ESR1: variants seen among roughly 807,000 people sequenced by gnomAD.
The protein encoded by ESR1 is estrogen receptor.
Under a neutral mutation model 52.7 loss-of-function variants are expected in ESR1, and 12 were observed. That is an observed-to-expected ratio of 0.23 (90% CI 0.15 to 0.37). ESR1 has a LOEUF of 0.37. ESR1 is among the 10% of genes least tolerant of loss of function. The pLI is 1.00. For missense variants in ESR1, 584 were observed against 779.7 expected (o/e 0.75, Z 2.99); for synonymous variants, 305 against 316.8 (o/e 0.96, Z 0.39).
intron 3 of ESR1, among the ~76,000 whole-genome samples, chr6:151,907,475 A>T (rs955705301): frequency 6.6e-6 from 1 of 152,060 alleles, no homozygotes; most frequent in Admixed American, 6.5e-5. Flanking sequence ...ATCTTTTTAA[A>T]AATTATATTA....
At chr6:151,839,615 G>A (rs1016487584) in intron 1 of ESR1, among the ~76,000 whole-genome samples, 1 of 152,154 alleles carries the variant, frequency 6.6e-6, no homozygotes, top group African/African-American at 2.4e-5. Context: ...GGATGAATGG[G>A]TAAACAAAGT....
At chr6:152,127,016 G>A (rs1246114102) in exon 7 of ESR1, 6 of 152,182 alleles carry the variant, frequency 3.9e-5, no homozygotes, top group Non-Finnish European at 8.8e-5. Flanking sequence ...CTGCCCTTAT[G>A]TGTCTTGTCT....
At chr6:152,026,150 A>G (rs2044129844) in intron 5 of ESR1, among the ~76,000 whole-genome samples, 1 of 152,082 alleles carries the variant, frequency 6.6e-6, no homozygotes, top group Admixed American at 6.5e-5. Flanking sequence ...TGTTCCATGT[A>G]TACTTGAAAT....
chr6:151,853,203 A>AAAAAAAAAAAAAAAAAG (rs1562478896), intron 2 of ESR1, among the ~76,000 whole-genome samples: 1 of 149,148 alleles, frequency 6.7e-6, no homozygotes, highest in African/African-American at 2.5e-5. Context: ...AAAAAAGAGA[A>AAAAAAAAAAAAAAAAAG]AGAAAGAAAG....
chr6:151,774,766 A>G (rs146812887), intron 2 of ESR1, among the ~76,000 whole-genome samples: 17 of 152,352 alleles, frequency 1.1e-4, no homozygotes, highest in African/African-American at 3.8e-4. Flanking sequence ...TATCAACAGA[A>G]TTAGCTGATT....
intron 2 of ESR1, among the ~76,000 whole-genome samples, chr6:151,747,371 C>T (rs1184073283): frequency 6.6e-6 from 1 of 152,082 alleles, no homozygotes; most frequent in East Asian, 1.9e-4. Context: ...TCTTTTACTA[C>T]AGAAATATTT....
chr6:151,801,051 G>GGTTGTGT (rs1554258204), upstream of ESR1, among the ~76,000 whole-genome samples: 1 of 147,612 alleles, frequency 6.8e-6, no homozygotes, highest in African/African-American at 2.5e-5. Flanking sequence ...TTGATTATGT[G>GGTTGTGT]GTGTGTGTGT....
intron 6 of ESR1, among the ~76,000 whole-genome samples, chr6:152,091,652 G>C (rs573889270): frequency 1.3e-5 from 2 of 152,208 alleles, no homozygotes; most frequent in Admixed American, 1.3e-4. Context: ...CCCAGAGGCC[G>C]AGTGCCATGT....
intron 3 of ESR1, among the ~76,000 whole-genome samples, chr6:151,883,294 GTT>G (rs34141432): frequency 4.1e-4 from 61 of 147,062 alleles, no homozygotes; most frequent in Non-Finnish European, 6.0e-4. Context: ...TAATTTTTGT[GTT>G]TTTTTTTTTT....
At chr6:151,871,199 G>C (rs1399271362) in intron 2 of ESR1, among the ~76,000 whole-genome samples, 1 of 151,130 alleles carries the variant, frequency 6.6e-6, no homozygotes, top group Non-Finnish European at 1.5e-5. Flanking sequence ...CATGAAAGCA[G>C]AAACCACTTG....
chr6:151,694,252 T>C (rs1441397106), intron 1 of ESR1, among the ~76,000 whole-genome samples: 3 of 152,210 alleles, frequency 2.0e-5, no homozygotes, highest in Non-Finnish European at 4.4e-5. Flanking sequence ...CTCATGCTTT[T>C]AGCCATTACT....
At chr6:151,789,466 T>G (rs75429871) in intron 2 of ESR1, among the ~76,000 whole-genome samples, 8,802 of 152,248 alleles carry the variant, frequency 0.058, 603 homozygotes, top group African/African-American at 0.17. Context: ...CTATCAGTTA[T>G]AGGATCCATT....
At chr6:151,729,848 G>A (rs1782109153) in intron 2 of ESR1, among the ~76,000 whole-genome samples, 1 of 152,248 alleles carries the variant, frequency 6.6e-6, no homozygotes, top group African/African-American at 2.4e-5. Context: ...AGCATTTTGG[G>A]AGGCCAAGGT....
chr6:151,804,219 G>C (rs138365619), upstream of ESR1, among the ~76,000 whole-genome samples: 29 of 152,334 alleles, frequency 1.9e-4, no homozygotes, highest in African/African-American at 6.7e-4. Flanking sequence ...ATGCTGGAGA[G>C]AAAGTGGTTA....
chr6:151,920,032 G>T (rs2031281016), intron 3 of ESR1, among the ~76,000 whole-genome samples: 1 of 152,200 alleles, frequency 6.6e-6, no homozygotes, highest in Non-Finnish European at 1.5e-5. Context: ...TTTTTAAGCA[G>T]CAAGGATAGA....
chr6:151,671,543 A>G, intron 1 of ESR1, among the ~76,000 whole-genome samples: 1 of 152,156 alleles, frequency 6.6e-6, no homozygotes, highest in Non-Finnish European at 1.5e-5. Context: ...AATGCGGCAG[A>G]AAGGGGAGAT....
chr6:152,013,581 C>T (rs898219571), intron 5 of ESR1, among the ~76,000 whole-genome samples: 3 of 152,088 alleles, frequency 2.0e-5, no homozygotes, highest in Non-Finnish European at 4.4e-5. Context: ...TGAGGACAGT[C>T]ATCAAATAAT....
At chr6:151,830,834 G>T (rs748414056) in intron 1 of ESR1, among the ~76,000 whole-genome samples, 1 of 152,092 alleles carries the variant, frequency 6.6e-6, no homozygotes. Context: ...TTTACCGAGA[G>T]CCTTAAATTT....
At chr6:151,828,024 C>T (rs993763935) in intron 1 of ESR1, among the ~76,000 whole-genome samples, 3 of 152,138 alleles carry the variant, frequency 2.0e-5, no homozygotes, top group Non-Finnish European at 4.4e-5. Flanking sequence ...AACTTGGTCC[C>T]AAGTCCCTTA....
Sources: gnomAD v4.1 joint callset for allele counts (sites outside exome capture counted in the v4.1 genomes callset) on GRCh38, gnomAD v4.1.1 for gene constraint, MANE v1.5 for transcripts, NCBI Gene and HGNC (gene_info 2026-07-23, HGNC 2026-07-21) for gene names.